The following MARCHF5 variants were observed in gnomAD, a reference collection of about 807,000 sequenced individuals.
MARCHF5 encodes the protein E3 ubiquitin-protein ligase MARCHF5.
In MARCHF5, 5 loss-of-function variants were observed where a neutral mutation model predicts 36.5. The observed-to-expected ratio is 0.14, with a 90% CI of 0.07 to 0.29. MARCHF5 has a LOEUF of 0.29. Among genes scored for constraint, MARCHF5 ranks in the 10% least tolerant of loss-of-function variants. The pLI is 1.00. For missense variants in MARCHF5, 179 were observed against 336.3 expected (o/e 0.53, Z 3.66); for synonymous variants, 103 against 109.9 (o/e 0.94, Z 0.39).
rs1317449203 is a variant in MARCHF5, at chr10:92,291,541, T to C, written c.35+12T>C. 9.8e-6 allele frequency: 15 copies of C among 1,536,484 alleles called. No individual in the cohort carries two copies. In the East Asian group the frequency reaches 3.8e-4, roughly 39 times the overall value. ...CAGATGCTGGACAGGTACGGGCAGC[T>C]GTGGGGGGGACCGGGAGCCGCCGAC... On this transcript the variant is annotated intron_variant, in intron 1 of 5. Coordinates refer to ENST00000358935, the MANE Select transcript of MARCHF5 (RefSeq NM_017824.5).
At chr10:92,308,202 A>G (rs1415845025) in intron 1 of MARCHF5, among the ~76,000 whole-genome samples, 2 of 151,818 alleles carry the variant, frequency 1.3e-5, no homozygotes, top group Non-Finnish European at 2.9e-5. Context: ...CAGCCTCCCA[A>G]AGTGCTGGGA....
intron 3 of MARCHF5, among the ~76,000 whole-genome samples, chr10:92,344,131 A>G (rs1464478302): frequency 6.6e-6 from 1 of 152,196 alleles, no homozygotes; most frequent in Non-Finnish European, 1.5e-5. Context: ...TGTTAAAAGA[A>G]TTTTGATAAT....
chr10:92,346,593 A>G (rs1843647424), intron 3 of MARCHF5, among the ~76,000 whole-genome samples: 1 of 142,508 alleles, frequency 7.0e-6, no homozygotes, highest in Non-Finnish European at 1.5e-5. Context: ...GGTTCAAGCG[A>G]TTCTCCTGCT....
chr10:92,346,901 T>C (rs1423161364), intron 3 of MARCHF5, among the ~76,000 whole-genome samples: 2 of 152,186 alleles, frequency 1.3e-5, no homozygotes, highest in Non-Finnish European at 2.9e-5. Flanking sequence ...CTCTTCTTTA[T>C]ATTTCTAAAC....
At chr10:92,306,481 G>A (rs868251377) in intron 1 of MARCHF5, among the ~76,000 whole-genome samples, 1 of 152,206 alleles carries the variant, frequency 6.6e-6, no homozygotes, top group African/African-American at 2.4e-5. Context: ...CTAGAAGGTA[G>A]AAGGACTTGT....
At chr10:92,315,543 G>T (rs188092726) in intron 2 of MARCHF5, among the ~76,000 whole-genome samples, 1 of 152,290 alleles carries the variant, frequency 6.6e-6, no homozygotes, top group African/African-American at 2.4e-5. Flanking sequence ...GTGGCTTCTT[G>T]TCCCTATTTA....
At chr10:92,326,988 A>G (rs1230005609) in intron 2 of MARCHF5, among the ~76,000 whole-genome samples, 1 of 151,944 alleles carries the variant, frequency 6.6e-6, no homozygotes, top group Non-Finnish European at 1.5e-5. Flanking sequence ...CTGGTATTTC[A>G]TTGCAGTTTG....
At chr10:92,330,073 C>T (rs1478291619) in intron 2 of MARCHF5, among the ~76,000 whole-genome samples, 1 of 152,148 alleles carries the variant, frequency 6.6e-6, no homozygotes, top group Non-Finnish European at 1.5e-5. Flanking sequence ...AAACTCCTGA[C>T]CTCAGGTGAT....
At chr10:92,327,292 A>G (rs972216436) in intron 2 of MARCHF5, among the ~76,000 whole-genome samples, 1 of 149,068 alleles carries the variant, frequency 6.7e-6, no homozygotes, top group Non-Finnish European at 1.5e-5. Context: ...ACCATTTTGT[A>G]TTCATATATG....
intron 3 of MARCHF5, among the ~76,000 whole-genome samples, chr10:92,345,902 C>T (rs974195863): frequency 6.6e-6 from 1 of 151,884 alleles, no homozygotes; most frequent in African/African-American, 2.4e-5. Flanking sequence ...ACCATGTTGC[C>T]CAGTCTCAAA....
intron 3 of MARCHF5, among the ~76,000 whole-genome samples, chr10:92,342,703 T>C (rs1843594166): frequency 6.6e-6 from 1 of 152,232 alleles, no homozygotes; most frequent in African/African-American, 2.4e-5. Context: ...AACATCTCCA[T>C]TGCCTTAAGT....
chr10:92,350,097 C>T (rs1843699256), intron 5 of MARCHF5: 1 of 379,822 alleles, frequency 2.6e-6, no homozygotes. Context: ...GTCCCTCTTG[C>T]CAGTGGGATT....
At chr10:92,313,188 C>T (rs1404906422) in intron 2 of MARCHF5, among the ~76,000 whole-genome samples, 1 of 151,406 alleles carries the variant, frequency 6.6e-6, no homozygotes, top group Non-Finnish European at 1.5e-5. Flanking sequence ...GAGCCAAGAT[C>T]GTGCCACTGC....
intron 3 of MARCHF5, among the ~76,000 whole-genome samples, chr10:92,345,604 C>G (rs566386929): frequency 6.6e-6 from 1 of 151,970 alleles, no homozygotes; most frequent in Non-Finnish European, 1.5e-5. Flanking sequence ...ATATGAAAAT[C>G]TAGCTTTTAG....
At chr10:92,345,808 C>T (rs1271362675) in intron 3 of MARCHF5, among the ~76,000 whole-genome samples, 1 of 151,350 alleles carries the variant, frequency 6.6e-6, no homozygotes, top group Non-Finnish European at 1.5e-5. Context: ...GATCCTCCCA[C>T]CTCAGCCTCC....
intron 2 of MARCHF5, among the ~76,000 whole-genome samples, chr10:92,336,188 A>G (rs2135209987): frequency 6.6e-6 from 1 of 152,210 alleles, no homozygotes; most frequent in Non-Finnish European, 1.5e-5. Context: ...AGCACACACC[A>G]CCACGCCCGG....
intron 1 of MARCHF5, among the ~76,000 whole-genome samples, chr10:92,307,472 G>A (rs903467483): frequency 3.3e-5 from 5 of 151,994 alleles, no homozygotes; most frequent in South Asian, 2.1e-4. Flanking sequence ...AGTGGCTCAC[G>A]CCCAAAACTT....
chr10:92,322,202 C>T (rs985580037), intron 2 of MARCHF5, among the ~76,000 whole-genome samples: 1 of 135,498 alleles, frequency 7.4e-6, no homozygotes, highest in African/African-American at 2.8e-5. Context: ...CGAGATCACA[C>T]CACTGCACTC....
chr10:92,291,637 T>A, intron 1 of MARCHF5, 108 bp downstream of exon 1: 2 of 1,413,498 alleles, frequency 1.4e-6, no homozygotes, highest in Non-Finnish European at 1.8e-6. Flanking sequence ...CCGGGAGGAG[T>A]TCCACGGCCA....
Sources: allele counts gnomAD v4.1 joint callset (sites outside exome capture counted in the v4.1 genomes callset), GRCh38; gene constraint gnomAD v4.1.1; transcripts MANE v1.5; gene names NCBI Gene and HGNC (gene_info 2026-07-23, HGNC 2026-07-21).